Variants in LRRC47 observed in about 807,000 individuals in gnomAD.
The protein encoded by LRRC47 is leucine rich repeat containing 47, also known as leucine-rich repeat-containing protein 47.
A neutral mutation model predicts 40.9 loss-of-function variants in LRRC47; 31 were observed. That is an observed-to-expected ratio of 0.76 (90% CI 0.57 to 1.02). LRRC47 has a LOEUF of 1.02. Among genes scored for constraint, LRRC47 ranks in the 50% least tolerant of loss-of-function variants. The pLI, the probability that LRRC47 is intolerant of heterozygous loss-of-function variation, is 0.00. For synonymous variants in LRRC47, 427 were observed against 371.9 expected (o/e 1.15, Z -1.70); for missense variants, 726 against 796.1 (o/e 0.91, Z 1.06).
At chr1:3,795,725 C>T (rs1643667098) in intron 1 of LRRC47, 137 bp downstream of exon 1, 1 of 1,200,614 alleles carries the variant, frequency 8.3e-7, no homozygotes, top group Admixed American at 3.5e-5. Flanking sequence ...GCAGCTGGCT[C>T]CTTTCAGCCT....
At chr1:3,790,156 C>G (rs541126108) in intron 1 of LRRC47, among the ~76,000 whole-genome samples, 1 of 152,350 alleles carries the variant, frequency 6.6e-6, no homozygotes, top group East Asian at 1.9e-4. Context: ...GCCTTCCGGG[C>G]CCATGGCTTT....
chr1:3,792,709 T>G (rs1386377975), intron 1 of LRRC47, among the ~76,000 whole-genome samples: 1 of 152,236 alleles, frequency 6.6e-6, no homozygotes, highest in African/African-American at 2.4e-5. Context: ...TTCGCCCGCC[T>G]TGGCCTCCTA....
chr1:3,793,513 CCACGAGGA>C (rs756093384), intron 1 of LRRC47, among the ~76,000 whole-genome samples: 1 of 152,156 alleles, frequency 6.6e-6, no homozygotes, highest in Non-Finnish European at 1.5e-5. Flanking sequence ...TAATGAGGGT[CCACGAGGA>C]TAGGAGGATG....
intron 1 of LRRC47, 102 bp downstream of exon 1, chr1:3,795,760 C>T: frequency 7.4e-7 from 1 of 1,357,862 alleles, no homozygotes; most frequent in African/African-American, 1.5e-5. Flanking sequence ...GGGCCCAGTG[C>T]CCCAGGGGGC....
rs1491263707 is a variant in LRRC47 at position 3,780,196 on chromosome 1, TCA to T, written c.*890_*891del. On this transcript the variant is annotated 3_prime_UTR_variant, in exon 7 of 7. Transcript: ENST00000378251. ...CGTGTGCTTAGCCGCTGCTGTGTGA[TCA>T]CAGAGTCTTTACACAAGCCTCGATG... 1.3e-5 allele frequency: 2 copies of T among 148,744 alleles called. No homozygotes were observed. Among genetic ancestry groups the T allele is most frequent in the African/African-American group, 2.5e-5 (1 of 40,154 alleles). The allele number at this position is 148,744 out of a possible 1,614,324, so 9.2% of individuals were successfully genotyped here.
rs1281153563 is a variant in LRRC47, at chr1:3,796,151, T to C, written c.326A>G (p.Asn109Ser). The change falls in exon 1 of 7, where the codon AAC (asparagine) becomes AGC (serine). Residue 109 changes from asparagine to serine, a missense_variant. Asn to Ser is a conservative substitution (Grantham distance 46, BLOSUM62 1). Transcript: ENST00000378251. ...GCCCGGCGGCAGCGCCTCCAGCGCG[T>C]TGCCCGACAGGTCGAGCACCCGAAG... ...PALRVLDLSGNALEALPPGQG... is the reference protein window; with the variant it reads ...PALRVLDLSGSALEALPPGQG... The C allele has an allele frequency of 4.2e-6, 6 of 1,439,102 alleles. No individual in the cohort carries two copies. Among genetic ancestry groups the C allele is most frequent in the South Asian group, 1.4e-5 (1 of 72,838 alleles). 89.1% of individuals were successfully genotyped at this position (1,439,102 alleles called of 1,614,324 possible).
In LRRC47 at chr1:3,787,330, C is replaced by A; in HGVS notation, c.616-20G>T. ...CAACGTCTGCAAAGAGAAACATGGA[C>A]GCGTCAGACGCCCGGACTCTGGGAA... is the stretch of plus-strand genomic sequence containing the variant. On this transcript the variant is annotated intron_variant, in intron 1 of 6. Coordinates refer to ENST00000378251, the MANE Select transcript of LRRC47 (RefSeq NM_020710.3). 1 of 1,591,730 alleles carries A rather than the reference C, an allele frequency of 6.3e-7. No individual in the cohort carries two copies. The highest frequency in any genetic ancestry group is 8.5e-7 in the Non-Finnish European group (1 of 1,172,180).
chr1:3,787,153 A>G lies in LRRC47; in HGVS notation c.773T>C (p.Leu258Pro). 2 of 1,613,692 alleles carry G rather than the reference A, an allele frequency of 1.2e-6. No homozygotes were observed. Among genetic ancestry groups the G allele is most frequent in the Non-Finnish European group, 1.7e-6 (2 of 1,180,006 alleles). Residue 258 changes from leucine to proline, a missense_variant, in exon 2 of 7, where the codon CTG becomes CCG. Leu to Pro is a moderately conservative substitution (Grantham distance 98). Coordinates refer to ENST00000378251, the MANE Select transcript of LRRC47 (RefSeq NM_020710.3). ...GCQTRSILEY[L>P]RVGGRGGGKG... is the part of the protein sequence containing the mutation. Reference sequence around the variant, plus strand: ...CCCGCCACCACGGCCTCCGACGCGCAGGTACTCCAGGATGGATCTGGTCTG... The same window carrying G: ...CCCGCCACCACGGCCTCCGACGCGCGGGTACTCCAGGATGGATCTGGTCTG...
Position 3,782,571 on chromosome 1 carries a change from G to A in LRRC47, c.1413+90C>T, listed in dbSNP as rs543337248. 28 of 798,356 alleles carry A rather than the reference G, an allele frequency of 3.5e-5. No homozygotes were observed. The Middle Eastern group carries it at 6.8e-4, about 19-fold the overall frequency. The allele number at this position is 798,356 out of a possible 1,614,324, so 49.5% of individuals were successfully genotyped here. A position where few individuals can be genotyped will look rare whatever the true frequency, so the allele number is the denominator to read the frequency against. On this transcript the variant is annotated intron_variant, in intron 5 of 6. Coordinates refer to ENST00000378251, the MANE Select transcript of LRRC47 (RefSeq NM_020710.3). ...GGTCTCCCAAAATGCTGGGATTACCGGTGTTGAGCCACCACGCCCCGCAGA... is the reference window on the plus strand; with the variant it reads ...GGTCTCCCAAAATGCTGGGATTACCAGTGTTGAGCCACCACGCCCCGCAGA...
At position 3,787,244 on chromosome 1, in the gene LRRC47, T is replaced by C; in HGVS notation, c.682A>G (p.Lys228Glu). Residue 228 changes from lysine to glutamate, a missense_variant, in exon 2 of 7, where the codon AAG (lysine) becomes GAG (glutamate). Physicochemically the swap from Lys to Glu is moderately conservative, Grantham distance 56 (BLOSUM62 1). Transcript: ENST00000378251. ...TTGTTCCCACGGAAATTGATCTCCT[T>C]GAGCTTGGGGCAGTCCGCAAGCTCT... ...PAELADCPKL[K>E]EINFRGNKLR... 6.2e-7 allele frequency: 1 copy of C among 1,613,650 alleles called. No individual in the cohort carries two copies. Among genetic ancestry groups the C allele is most frequent in the Non-Finnish European group, 8.5e-7 (1 of 1,180,042 alleles).
At chr1:3,784,506 C>A (rs757562120) in intron 3 of LRRC47, among the ~76,000 whole-genome samples, 9 of 152,216 alleles carry the variant, frequency 5.9e-5, no homozygotes, top group Non-Finnish European at 1.2e-4. Context: ...GCCAACCCCA[C>A]GCAAACGGTT....
rs1300501600 is a variant in LRRC47 at position 3,791,076 on chromosome 1, GGGGA to G, written c.616-3770_616-3767del. Among the ~76,000 whole-genome samples the G allele has an allele frequency of 3.9e-5, 6 of 152,226 alleles. No individual in the cohort carries two copies. In the East Asian group the frequency reaches 1.2e-3, roughly 30 times the overall value. ...AGGAGCCCTGAGCCCTGTGAAAGAA[GGGGA>G]GGGAGAGGCCCCGAGACGACACACG... On this transcript the variant is annotated intron_variant, in intron 1 of 6. Transcript: ENST00000378251.
At position 3,784,173 on chromosome 1, in the gene LRRC47, C is replaced by T. The variant is rs756269132; in HGVS notation, c.1195-62G>A. 96 of 1,412,744 alleles carry T rather than the reference C, an allele frequency of 6.8e-5. 1 individual carries two copies. Among genetic ancestry groups the T allele is most frequent in the Middle Eastern group, 1.7e-4 (1 of 5,762 alleles). 87.5% of individuals were successfully genotyped at this position (1,412,744 alleles called of 1,614,324 possible). The stretch of plus-strand genomic sequence containing the variant: ...CAGCCACAGAACTCGCCCATCGTGT[C>T]GATTACGGCCTTAAGCCTCAATGAG... On this transcript the variant is annotated intron_variant, in intron 3 of 6. Transcript: ENST00000378251.
chr1:3,784,411 GGA>G (rs1210751078), intron 3 of LRRC47, among the ~76,000 whole-genome samples: 3 of 151,788 alleles, frequency 2.0e-5, no homozygotes, highest in African/African-American at 7.3e-5. Flanking sequence ...GGCCAAAAGA[GGA>G]GAGAAAGGCT....
intron 1 of LRRC47, among the ~76,000 whole-genome samples, chr1:3,789,487 C>T (rs1643607697): frequency 6.6e-6 from 1 of 152,274 alleles, no homozygotes; most frequent in African/African-American, 2.4e-5. Flanking sequence ...GGAGCAGCAG[C>T]AGAGGCGAAG....
At position 3,779,325 on chromosome 1, in the gene LRRC47, A is replaced by G. The variant is rs900824371; in HGVS notation, c.*1763T>C. The G allele has an allele frequency of 6.6e-6, 1 of 152,264 alleles. No homozygotes were observed. The highest frequency in any genetic ancestry group is 2.4e-5 in the African/African-American group (1 of 41,462). 9.4% of individuals were successfully genotyped at this position (152,264 alleles called of 1,614,324 possible). A position where few individuals can be genotyped will look rare whatever the true frequency, so the allele number is the denominator to read the frequency against. On this transcript the variant is annotated 3_prime_UTR_variant, in exon 7 of 7. Coordinates refer to ENST00000378251, the MANE Select transcript of LRRC47 (RefSeq NM_020710.3). ...CAGATGCTTCCCAAAATCACCAGTCATTTCTACAGACACAGAAATCGAGAC... is the reference window on the plus strand; with the variant it reads ...CAGATGCTTCCCAAAATCACCAGTCGTTTCTACAGACACAGAAATCGAGAC...
chr1:3,781,118 A>G lies in LRRC47; in HGVS notation c.1722T>C (p.Thr574=). Reference sequence around the variant, plus strand: ...GCACGACAGTCACGTGGGGAGGGGCAGTGGCCAGGTCGGCCTTGGACGGGT... The same window carrying G: ...GCACGACAGTCACGTGGGGAGGGGCGGTGGCCAGGTCGGCCTTGGACGGGT... ...VVYPSKADLA[T]APPHVTVVR is the part of the protein sequence containing the mutation. The change falls in exon 7 of 7, where the codon ACT becomes ACC. Residue 574 remains threonine, a synonymous_variant. Coordinates refer to ENST00000378251, the MANE Select transcript of LRRC47 (RefSeq NM_020710.3). 1 of 1,614,068 alleles carries G rather than the reference A, an allele frequency of 6.2e-7. No individual in the cohort carries two copies. The highest frequency in any genetic ancestry group is 8.5e-7 in the Non-Finnish European group (1 of 1,180,036).
intron 1 of LRRC47, 119 bp downstream of exon 1, chr1:3,795,743 A>G: frequency 7.7e-7 from 1 of 1,305,556 alleles, no homozygotes; most frequent in Non-Finnish European, 1.0e-6. Flanking sequence ...CCTTGTAGGA[A>G]TTCCCTGGGC....
rs148481344 is a variant in LRRC47, at chr1:3,795,949, G to C, written c.528C>G (p.Gly176=). Residue 176 remains glycine (G), a synonymous_variant, in exon 1 of 7, where the codon GGC becomes GGG. Coordinates refer to ENST00000378251, the MANE Select transcript of LRRC47 (RefSeq NM_020710.3). ...CCAGTTCACTGAGCAGGGGCAGCGC[G>C]CCGGGGCGAAAGAGCTCGGCGGGAA... The part of the protein sequence containing the change: ...DSFPAELFRP[G]ALPLLSELAA... The C allele has an allele frequency of 0.014, 22,721 of 1,598,286 alleles. 188 individuals are homozygous for C. Among genetic ancestry groups the C allele is most frequent in the Middle Eastern group, 0.029 (173 of 6,044 alleles).
Sources: allele counts gnomAD v4.1 joint callset (sites outside exome capture counted in the v4.1 genomes callset), GRCh38; gene constraint gnomAD v4.1.1; transcripts MANE v1.5; gene names NCBI Gene and HGNC (gene_info 2026-07-23, HGNC 2026-07-21).